The following FSIP2 variants were observed in gnomAD, a reference collection of about 807,000 sequenced individuals.
The protein encoded by FSIP2 is fibrous sheath-interacting protein 2.
Under a neutral mutation model 510.5 loss-of-function variants are expected in FSIP2, and 367 were observed. That is an observed-to-expected ratio of 0.72 (90% CI 0.66 to 0.78). The LOEUF (loss-of-function observed/expected upper bound fraction) is 0.78, where lower values mean the gene tolerates loss of function less well. Among genes scored for constraint, FSIP2 ranks in the 30% least tolerant of loss-of-function variants. FSIP2 has a pLI of 0.00. For missense variants in FSIP2, 7,594 were observed against 7,901.7 expected (o/e 0.96, Z 1.48); for synonymous variants, 2,601 against 2,732.2 (o/e 0.95, Z 1.50).
chr2:185,738,783 T>C, upstream of FSIP2: 1 of 1,535,566 alleles, frequency 6.5e-7, no homozygotes, highest in Non-Finnish European at 8.7e-7. Flanking sequence ...GGGGCGGGGC[T>C]GAGGTCGTTG....
chr2:185,832,766 A>C (rs1239975648), intron 22 of FSIP2, among the ~76,000 whole-genome samples: 4 of 151,900 alleles, frequency 2.6e-5, no homozygotes, highest in Non-Finnish European at 5.9e-5. Flanking sequence ...AGTAGGTGAG[A>C]ATTTATACTA....
chr2:185,772,974 C>A (rs1375975157), intron 13 of FSIP2, among the ~76,000 whole-genome samples: 2 of 152,108 alleles, frequency 1.3e-5, no homozygotes, highest in Non-Finnish European at 2.9e-5. Flanking sequence ...CATCTTCCCA[C>A]CTCAGCTTCC....
rs1559035822 is a variant in FSIP2, at chr2:185,807,386, C to A, written c.18080C>A (p.Thr6027Lys). 2 of 1,608,608 alleles carry A rather than the reference C, an allele frequency of 1.2e-6. No homozygotes were observed. The highest frequency in any genetic ancestry group is 1.7e-6 in the Non-Finnish European group (2 of 1,178,342). The change falls in exon 17 of 23, where the codon ACA (threonine) becomes AAA (lysine). Residue 6027 changes from threonine to lysine, a missense_variant. Coordinates refer to ENST00000424728, the MANE Select transcript of FSIP2 (RefSeq NM_173651.4). ...ISALFSKIFS[T>K]ISSTKTKEPE... The stretch of plus-strand genomic sequence containing the variant: ...GCTCTTTTCTCCAAAATTTTCTCAA[C>A]AATATCCAGCACAAAAACAAAAGAA...
At chr2:185,750,408 G>T (rs1182320671) in intron 7 of FSIP2, among the ~76,000 whole-genome samples, 3 of 151,446 alleles carry the variant, frequency 2.0e-5, no homozygotes, top group Non-Finnish European at 4.4e-5. Context: ...TGACAAAGTT[G>T]TTTATAACAT....
At position 185,803,246 on chromosome 2, in the gene FSIP2, T is replaced by C; in HGVS notation, c.13940T>C (p.Ile4647Thr). ...RVVGIVQTKSIRDSEDELFEK... is the reference protein window; with the variant it reads ...RVVGIVQTKSTRDSEDELFEK... ...GTAGGCATTGTACAAACAAAATCCA[T>C]AAGAGATTCAGAAGATGAACTGTTT... Residue 4647 changes from isoleucine (I) to threonine (T), a missense_variant, in exon 17 of 23, where the codon ATA (isoleucine) becomes ACA (threonine). Transcript: ENST00000424728. 6.6e-7 allele frequency: 1 copy of C among 1,526,596 alleles called. No individual in the cohort carries two copies. Among genetic ancestry groups the C allele is most frequent in the Non-Finnish European group, 8.7e-7 (1 of 1,143,010 alleles). 94.6% of individuals were successfully genotyped at this position (1,526,596 alleles called of 1,614,324 possible).
At chr2:185,738,436 A>G, upstream of FSIP2, 1 of 629,076 alleles carries the variant, frequency 1.6e-6, no homozygotes, top group South Asian at 2.0e-5. Flanking sequence ...TGTGGGAAGA[A>G]GCTGTGGGAG....
chr2:185,796,666 G>A lies in FSIP2; in HGVS notation c.9530G>A (p.Gly3177Glu), dbSNP rs1381344736. ...FTSKLKEGSL[G>E]INPSQVSKTG... is the part of the protein sequence containing the mutation. ...TCAAAGTTAAAGGAAGGTAGTTTGG[G>A]GATTAATCCTTCACAAGTGAGTAAA... Residue 3177 changes from glycine (G) to glutamate (E), a missense_variant, in exon 16 of 23, where the codon GGG becomes GAG. Gly to Glu is a moderately conservative substitution (Grantham distance 98). Transcript: ENST00000424728. 11 of 1,535,004 alleles carry A rather than the reference G, an allele frequency of 7.2e-6. No individual in the cohort carries two copies. The East Asian group carries it at 2.2e-4, about 31-fold the overall frequency.
chr2:185,808,396 A>G lies in FSIP2; in HGVS notation c.19090A>G (p.Ser6364Gly). The change falls in exon 17 of 23, where the codon AGT becomes GGT. Residue 6364 changes from serine (S) to glycine (G), a missense_variant. By Grantham distance (56) the Ser-to-Gly change is moderately conservative (BLOSUM62 0). Coordinates refer to ENST00000424728, the MANE Select transcript of FSIP2 (RefSeq NM_173651.4). ...CTTGGCTAAACTAATAAGGTTGCCA[A>G]GTTCCTCAAGCAAAGATGAAAAAAA... ...LFLAKLIRLP[S>G]SSSKDEKNLS... 1 of 1,610,526 alleles carries G rather than the reference A, an allele frequency of 6.2e-7. No individual in the cohort carries two copies. The highest frequency in any genetic ancestry group is 8.5e-7 in the Non-Finnish European group (1 of 1,178,832).
chr2:185,829,616 CT>C (rs1204659230), intron 21 of FSIP2, among the ~76,000 whole-genome samples: 7 of 152,102 alleles, frequency 4.6e-5, no homozygotes, highest in African/African-American at 1.7e-4. Context: ...GCAAGGTGCC[CT>C]CATGAAGCTG....
rs762925074 is a variant in FSIP2 at position 185,813,985 on chromosome 2, A to G, written c.20268A>G (p.Thr6756=). The change falls in exon 18 of 23, where the codon ACA becomes ACG. Residue 6756 remains threonine, a synonymous_variant. Coordinates refer to ENST00000424728, the MANE Select transcript of FSIP2 (RefSeq NM_173651.4). ...KRAVAELDMA[T]PKTMPETASS... ...CTGTTGCTGAGCTTGACATGGCCAC[A>G]CCAAAGACGATGCCTGAAACAGCCT... 1 of 1,613,428 alleles carries G rather than the reference A, an allele frequency of 6.2e-7. No individual in the cohort carries two copies. Among genetic ancestry groups the G allele is most frequent in the Non-Finnish European group, 8.5e-7 (1 of 1,179,640 alleles).
chr2:185,807,792 T>C lies in FSIP2; in HGVS notation c.18486T>C (p.Asp6162=). ...TTAAAGATGTTTTCCAAACTACTGA[T>C]GTGCCCCTACCTAAACCTTCACATG... ...KILKDVFQTT[D]VPLPKPSHAD... Residue 6162 remains aspartate, a synonymous_variant, in exon 17 of 23, where the codon GAT becomes GAC. Coordinates refer to ENST00000424728, the MANE Select transcript of FSIP2 (RefSeq NM_173651.4). 1 of 1,612,782 alleles carries C rather than the reference T, an allele frequency of 6.2e-7. No homozygotes were observed. The highest frequency in any genetic ancestry group is 8.5e-7 in the Non-Finnish European group (1 of 1,179,276).
At chr2:185,757,973 G>GAGGTAATA (rs1276003967) in intron 9 of FSIP2, among the ~76,000 whole-genome samples, 1 of 150,928 alleles carries the variant, frequency 6.6e-6, no homozygotes, top group Non-Finnish European at 1.5e-5. Context: ...AATAATCCCA[G>GAGGTAATA]ATTACCTCTG....
chr2:185,778,328 T>C (rs994377094), intron 13 of FSIP2, among the ~76,000 whole-genome samples: 1 of 152,020 alleles, frequency 6.6e-6, no homozygotes. Context: ...ATACATATGA[T>C]GATTGTTATG....
At position 185,792,324 on chromosome 2, in the gene FSIP2, G is replaced by T. The variant is rs545893401; in HGVS notation, c.5188G>T (p.Asp1730Tyr). The change falls in exon 16 of 23, where the codon GAT becomes TAT. Residue 1730 changes from aspartate (D) to tyrosine (Y), a missense_variant. Transcript: ENST00000424728. The part of the protein sequence containing the change: ...GAESDSFLED[D>Y]AYTAKKIIDE... ...TGAATCAGATTCATTTCTAGAAGAT[G>T]ATGCATATACAGCGAAAAAAATTAT... is the stretch of plus-strand genomic sequence containing the variant. 8.5e-5 allele frequency: 130 copies of T among 1,530,410 alleles called. No individual in the cohort carries two copies. Among genetic ancestry groups the T allele is most frequent in the Non-Finnish European group, 1.0e-4 (117 of 1,144,346 alleles). 94.8% of individuals were successfully genotyped at this position (1,530,410 alleles called of 1,614,324 possible).
chr2:185,738,837 G>A lies in FSIP2; in HGVS notation c.-58G>A. On this transcript the variant is annotated 5_prime_UTR_variant, in exon 1 of 23. Transcript: ENST00000424728. ...TCAGGTCCGGACAGAGGGACAACGGGGTGCTAGAGAAGGAGAGCGGGGCGG... is the reference window on the plus strand; with the variant it reads ...TCAGGTCCGGACAGAGGGACAACGGAGTGCTAGAGAAGGAGAGCGGGGCGG... 1 of 1,535,400 alleles carries A rather than the reference G, an allele frequency of 6.5e-7. No individual in the cohort carries two copies. The highest frequency in any genetic ancestry group is 8.7e-7 in the Non-Finnish European group (1 of 1,146,412).
intron 9 of FSIP2, among the ~76,000 whole-genome samples, chr2:185,760,524 CAAGTA>C (rs1333676104): frequency 2.7e-5 from 4 of 146,934 alleles, no homozygotes; most frequent in South Asian, 4.3e-4. Flanking sequence ...ATAATATAAA[CAAGTA>C]AACTAAATAA....
In FSIP2 at chr2:185,807,890, C is replaced by T. The variant is rs1559036151; in HGVS notation, c.18584C>T (p.Pro6195Leu). The change falls in exon 17 of 23, where the codon CCA becomes CTA. Residue 6195 changes from proline to leucine, a missense_variant. By Grantham distance (98) the Pro-to-Leu change is moderately conservative (BLOSUM62 -3). Transcript: ENST00000424728. ...TTATCAAAGCTTTTATCTATATTTC[C>T]AAAAGTACATAAAGAAAGAACAAAA... ...KFLSKLLSIF[P>L]KVHKERTKSL... 3.1e-6 allele frequency: 5 copies of T among 1,603,490 alleles called. No homozygotes were observed. The highest frequency in any genetic ancestry group is 1.7e-4 in the Middle Eastern group (1 of 5,968).
At position 185,791,292 on chromosome 2, in the gene FSIP2, G is replaced by A. The variant is rs1280912674; in HGVS notation, c.4156G>A (p.Ala1386Thr). The stretch of plus-strand genomic sequence containing the variant: ...ACTCTCTTCTCGTAAGCCAAAGTCT[G>A]CAACTGACAGTGTTGATGTACAAAG... ...ISLSSRKPKSATDSVDVQSIL... is the reference protein window; with the variant it reads ...ISLSSRKPKSTTDSVDVQSIL... Residue 1386 changes from alanine to threonine, a missense_variant, in exon 16 of 23, where the codon GCA (alanine) becomes ACA (threonine). Transcript: ENST00000424728. The A allele has an allele frequency of 6.5e-7, 1 of 1,534,106 alleles. No homozygotes were observed. Among genetic ancestry groups the A allele is most frequent in the African/African-American group, 1.4e-5 (1 of 73,006 alleles).
chr2:185,779,271 CTT>C (rs1187682374), intron 13 of FSIP2, among the ~76,000 whole-genome samples: 1 of 148,780 alleles, frequency 6.7e-6, no homozygotes, highest in Non-Finnish European at 1.5e-5. Context: ...ATTGCATTCT[CTT>C]AGAGTGCTAA....
Sources: gnomAD v4.1 joint callset for allele counts (sites outside exome capture counted in the v4.1 genomes callset) on GRCh38, gnomAD v4.1.1 for gene constraint, MANE v1.5 for transcripts, NCBI Gene and HGNC (gene_info 2026-07-23, HGNC 2026-07-21) for gene names.